The following PML variants were observed in gnomAD, a reference collection of about 807,000 sequenced individuals.
The protein encoded by PML is PML nuclear body scaffold.
Under a neutral mutation model 65.2 loss-of-function variants are expected in PML, and 28 were observed. The ratio of observed to expected loss-of-function variants is 0.43; its 90% CI spans 0.32 to 0.59. The LOEUF (loss-of-function observed/expected upper bound fraction) is 0.59. PML is among the 20% of genes least tolerant of loss of function. The probability of loss-of-function intolerance (pLI) is 0.08; values close to 1 mark genes in which losing one functional copy is unlikely to be tolerated. For synonymous variants in PML, 500 were observed against 508.8 expected, an observed-to-expected ratio of 0.98 and a Z score of 0.23; for missense variants, 1,021 against 1,203.4, an observed-to-expected ratio of 0.85 and a Z score of 2.24.
chr15:74,006,540 A>G (rs892075266), intron 2 of PML, among the ~76,000 whole-genome samples: 7 of 152,198 alleles, frequency 4.6e-5, no homozygotes, highest in African/African-American at 1.2e-4. Flanking sequence ...TTCAGCTTAC[A>G]TAGCATCTTA....
intron 2 of PML, among the ~76,000 whole-genome samples, chr15:74,020,365 C>G (rs568764846): frequency 7.1e-6 from 1 of 141,698 alleles, no homozygotes; most frequent in Non-Finnish European, 1.5e-5. Context: ...TTTTGGCTTA[C>G]TGTAACCTCC....
At position 74,043,658 on chromosome 15, in the gene PML, C is replaced by T; in HGVS notation, c.1861+519C>T. Reference sequence around the variant, plus strand: ...GCAAATGCCCCTCCTTGAGCCAGAGCCCCAGGCCCTACCCTGTGGCATGGA... The same window carrying T: ...GCAAATGCCCCTCCTTGAGCCAGAGTCCCAGGCCCTACCCTGTGGCATGGA... On this transcript the variant is annotated intron_variant, in intron 8 of 8. Transcript: ENST00000268058. The surrounding 1 kb of genome is among the most constrained non-coding windows in gnomAD (Gnocchi z 4.3). 1 of 517,506 alleles carries T rather than the reference C, an allele frequency of 1.9e-6. No individual in the cohort carries two copies. Among genetic ancestry groups the T allele is most frequent in the Non-Finnish European group, 3.8e-6 (1 of 262,992 alleles). The allele number at this position is 517,506 out of a possible 1,614,324, so 32.1% of individuals were successfully genotyped here.
At chr15:74,034,577 T>G (rs979707358) in intron 7 of PML, 47 bp downstream of exon 7, 1 of 1,614,130 alleles carries the variant, frequency 6.2e-7, no homozygotes, top group Admixed American at 1.7e-5. Flanking sequence ...TCCCCCCATT[T>G]CAGGTCCCAG....
chr15:74,034,530 G>T lies in PML; in HGVS notation c.1710G>T (p.Ser570=), dbSNP rs1228135120. 12 of 1,614,006 alleles carry T rather than the reference G, an allele frequency of 7.4e-6. No homozygotes were observed. In the Admixed American group the frequency reaches 2.0e-4, roughly 27 times the overall value. ...CGGAAGACTCAGATGCCGAAAACTC[G>T]GTGAGTGGCCCAGAAGTTCAGCCCA... is the stretch of plus-strand genomic sequence containing the variant. ...SSSEDSDAEN[S]SSRELDDSSS... Residue 570 remains serine, a splice_region_variant and synonymous_variant, in exon 7 of 9, where the codon TCG becomes TCT. Coordinates refer to ENST00000268058, the MANE Select transcript of PML (RefSeq NM_033238.3).
rs952789032 is a variant in PML, at chr15:74,042,220, C to A, written c.1711-769C>A. 1.3e-5 allele frequency among the ~76,000 whole-genome samples: 2 copies of A among 152,204 alleles called. No individual in the cohort carries two copies. The highest frequency in any genetic ancestry group is 2.9e-5 in the Non-Finnish European group (2 of 68,042). On this transcript the variant is annotated intron_variant, in intron 7 of 8. Transcript: ENST00000268058. The surrounding 1 kb of genome is among the most constrained non-coding windows in gnomAD (Gnocchi z 5.3). Reference sequence around the variant, plus strand: ...CAGGACCTTGGGACAGGAGAGAACGCCTCACCTGAAGGACTCCCAAAACTC... The same window carrying A: ...CAGGACCTTGGGACAGGAGAGAACGACTCACCTGAAGGACTCCCAAAACTC...
chr15:74,023,068 G>C lies in PML; in HGVS notation c.843G>C (p.Glu281Asp). The C allele has an allele frequency of 6.2e-7, 1 of 1,602,922 alleles. No individual in the cohort carries two copies. Among genetic ancestry groups the C allele is most frequent in the Non-Finnish European group, 8.5e-7 (1 of 1,178,530 alleles). ...ARAETEELIR[E>D]RVRQVVAHVR... is the part of the protein sequence containing the mutation. ...CCGAGACCGAGGAGCTGATCCGCGA[G>C]CGCGTGCGCCAGGTGGTAGCTCACG... The change falls in exon 3 of 9, where the codon GAG (glutamate) becomes GAC (aspartate). Residue 281 changes from glutamate (E) to aspartate (D), a missense_variant. Coordinates refer to ENST00000268058, the MANE Select transcript of PML (RefSeq NM_033238.3).
chr15:74,027,317 T>C (rs1329083891), intron 4 of PML: 1 of 152,214 alleles, frequency 6.6e-6, no homozygotes, highest in Admixed American at 6.5e-5. Context: ...CTTGGGACAC[T>C]GACGTGGGCA....
At chr15:73,996,340 A>G (rs1162269612) in intron 1 of PML, among the ~76,000 whole-genome samples, 1 of 152,226 alleles carries the variant, frequency 6.6e-6, no homozygotes, top group African/African-American at 2.4e-5. Context: ...CGGAAAACCC[A>G]TATTTAATTA....
rs2071606121 is a variant in PML at position 74,037,801 on chromosome 15, T to C, written c.1710+3271T>C. 2.6e-6 allele frequency: 2 copies of C among 779,478 alleles called. No individual in the cohort carries two copies. Among genetic ancestry groups the C allele is most frequent in the African/African-American group, 3.8e-5 (2 of 53,120 alleles). The allele number at this position is 779,478 out of a possible 1,614,324, so 48.3% of individuals were successfully genotyped here. On this transcript the variant is annotated intron_variant, in intron 7 of 8. Coordinates refer to ENST00000268058, the MANE Select transcript of PML (RefSeq NM_033238.3). The surrounding 1 kb of genome is among the most constrained non-coding windows in gnomAD (Gnocchi z 4.2). The stretch of plus-strand genomic sequence containing the variant: ...CTCCTGCAGGTTTGCTGCTGGGCCC[T>C]TTCCTCTTTTCAGTCTGTGTATTCT...
intron 2 of PML, among the ~76,000 whole-genome samples, chr15:74,014,301 C>T (rs772367533): frequency 2.0e-5 from 3 of 152,042 alleles, no homozygotes; most frequent in Non-Finnish European, 4.4e-5. Context: ...ACACCCTTGC[C>T]GCATGCCTAG....
Position 74,037,474 on chromosome 15 carries a change from G to C in PML, c.1710+2944G>C. On this transcript the variant is annotated intron_variant, in intron 7 of 8. Coordinates refer to ENST00000268058, the MANE Select transcript of PML (RefSeq NM_033238.3). This position sits in a 1 kb window ranked among gnomAD's most constrained non-coding sequence, Gnocchi z 4.2. The stretch of plus-strand genomic sequence containing the variant: ...CACTGCCTTCTGAACTAAACACCCT[G>C]AATGAGGTCTTTCTCATCTCAGAAA... 1.0e-6 allele frequency: 1 copy of C among 985,268 alleles called. No individual in the cohort carries two copies. The highest frequency in any genetic ancestry group is 1.1e-4 in the East Asian group (1 of 8,790). 61.0% of individuals were successfully genotyped at this position (985,268 alleles called of 1,614,324 possible).
chr15:74,013,881 G>C (rs2070443667), intron 2 of PML, among the ~76,000 whole-genome samples: 1 of 152,086 alleles, frequency 6.6e-6, no homozygotes, highest in Non-Finnish European at 1.5e-5. Flanking sequence ...AATCCAAATT[G>C]AATATTGGTT....
intron 2 of PML, among the ~76,000 whole-genome samples, chr15:74,017,342 A>C (rs1251014334): frequency 6.6e-6 from 1 of 152,076 alleles, no homozygotes; most frequent in Non-Finnish European, 1.5e-5. Flanking sequence ...AAACCCCTTT[A>C]ATGTCCATCA....
Position 74,046,198 on chromosome 15 carries a change from A to G in PML, c.*1190A>G, listed in dbSNP as rs1162246423. On this transcript the variant is annotated 3_prime_UTR_variant, in exon 9 of 9. Transcript: ENST00000268058. ...CAGGCCTCTGAGGCAGTGGACAGGA[A>G]GACTTCTCATCCTTGAATTCTAGCT... 4 of 233,102 alleles carry G rather than the reference A, an allele frequency of 1.7e-5. No individual in the cohort carries two copies. Among genetic ancestry groups the G allele is most frequent in the African/African-American group, 6.6e-5 (3 of 45,360 alleles). 14.4% of individuals were successfully genotyped at this position (233,102 alleles called of 1,614,324 possible). A position where few individuals can be genotyped will look rare whatever the true frequency, so the allele number is the denominator to read the frequency against.
chr15:74,025,012 A>G, intron 4 of PML, 85 bp downstream of exon 4: 1 of 897,560 alleles, frequency 1.1e-6, no homozygotes, highest in Non-Finnish European at 1.9e-6. Context: ...CTGTGTGTGC[A>G]GGGAGAGCGT....
In PML at chr15:74,044,974, G is replaced by A. The variant is rs199966678; in HGVS notation, c.2615G>A (p.Arg872His). 2.4e-5 allele frequency: 39 copies of A among 1,608,842 alleles called. No homozygotes were observed. In the Middle Eastern group the frequency reaches 6.6e-4, roughly 27 times the overall value. The stretch of plus-strand genomic sequence containing the variant: ...GGAGTCTCCACCCCACTTGCTGGCC[G>A]TGGCTTGGCAGAGAGGGCCTCCCAG... The part of the protein sequence containing the change: ...AEGVSTPLAG[R>H]GLAERASQQS The change falls in exon 9 of 9, where the codon CGT becomes CAT. Residue 872 changes from arginine (R) to histidine (H), a missense_variant. Arg to His is a conservative substitution (Grantham distance 29, BLOSUM62 0). Coordinates refer to ENST00000268058, the MANE Select transcript of PML (RefSeq NM_033238.3).
chr15:74,010,096 C>T (rs1326553675), intron 2 of PML, among the ~76,000 whole-genome samples: 11 of 151,696 alleles, frequency 7.3e-5, no homozygotes, highest in Admixed American at 7.2e-4. Context: ...TTACTGAAGC[C>T]TTGACCTCCC....
intron 3 of PML, among the ~76,000 whole-genome samples, chr15:74,024,651 C>G (rs191610515): frequency 6.6e-6 from 1 of 152,342 alleles, no homozygotes; most frequent in African/African-American, 2.4e-5. Flanking sequence ...CCTCCTTTTC[C>G]CTTCTGGCTG....
intron 7 of PML, among the ~76,000 whole-genome samples, chr15:74,040,496 G>A (rs1205970320): frequency 1.3e-5 from 2 of 152,244 alleles, no homozygotes; most frequent in Non-Finnish European, 2.9e-5. Flanking sequence ...GGGGCAGAAT[G>A]GGAGAGTCTC....
Sources: gnomAD v4.1 joint callset for allele counts (sites outside exome capture counted in the v4.1 genomes callset) on GRCh38, gnomAD v4.1.1 for gene constraint, Gnocchi (gnomAD v3.1) non-coding constraint, MANE v1.5 for transcripts, NCBI Gene and HGNC (gene_info 2026-07-23, HGNC 2026-07-21) for gene names.